The following FLYWCH1 variants were observed in gnomAD, a reference collection of about 807,000 sequenced individuals.
FLYWCH1 encodes the protein FLYWCH-type zinc finger-containing protein 1.
Under a neutral mutation model 66.4 loss-of-function variants are expected in FLYWCH1, and 75 were observed. The observed-to-expected ratio is 1.13, with a 90% confidence interval of 0.94 to 1.37. The LOEUF is 1.37. Ranked by LOEUF, FLYWCH1 falls within the 40% of genes most tolerant of loss-of-function variation. The pLI is 0.00. For missense variants in FLYWCH1, 1,334 were observed against 1,001.8 expected (o/e 1.33, Z -4.48); for synonymous variants, 595 against 429.9 (o/e 1.38, Z -4.75).
intron 2 of FLYWCH1, among the ~76,000 whole-genome samples, chr16:2,925,508 G>C (rs966485868): frequency 6.6e-5 from 10 of 151,314 alleles, no homozygotes; most frequent in African/African-American, 2.4e-4. Context: ...GGGAGCGGGA[G>C]GGGCGGGCTG....
At chr16:2,941,653 G>A (rs2071267038) in intron 9 of FLYWCH1, among the ~76,000 whole-genome samples, 1 of 151,880 alleles carries the variant, frequency 6.6e-6, no homozygotes, top group Non-Finnish European at 1.5e-5. Flanking sequence ...AGGGTGGGAG[G>A]ATCGCTTGAG....
At position 2,933,281 on chromosome 16, in the gene FLYWCH1, C is replaced by T. The variant is rs1394553182; in HGVS notation, c.948C>T (p.Ala316=). 2.5e-6 allele frequency: 4 copies of T among 1,612,700 alleles called. No homozygotes were observed. Among genetic ancestry groups the T allele is most frequent in the African/African-American group, 1.3e-5 (1 of 74,868 alleles). The change falls in exon 5 of 10, where the codon GCC becomes GCT. Residue 316 remains alanine, a synonymous_variant. Coordinates refer to ENST00000253928, the MANE Select transcript of FLYWCH1 (RefSeq NM_001308068.2). ...CGCTGCACGGCTGCCGGAGCCGGGCCATCACCCAGGGACAGCGGGTGACTG... is the reference window on the plus strand; with the variant it reads ...CGCTGCACGGCTGCCGGAGCCGGGCTATCACCCAGGGACAGCGGGTGACTG... ...DHALHGCRSR[A]ITQGQRVTVM... is the part of the protein sequence containing the mutation.
chr16:2,934,399 C>T (rs1480337702), intron 6 of FLYWCH1, among the ~76,000 whole-genome samples: 2 of 152,232 alleles, frequency 1.3e-5, no homozygotes, highest in Non-Finnish European at 2.9e-5. Context: ...GGTTTCTCCT[C>T]TCGGCCCGCT....
At chr16:2,942,720 CTTTT>C (rs34247000) in intron 9 of FLYWCH1, among the ~76,000 whole-genome samples, 12 of 82,790 alleles carry the variant, frequency 1.4e-4, no homozygotes, top group Admixed American at 3.3e-4. Context: ...CATCTGGGAA[CTTTT>C]TTTTTTTTTT....
rs201307652 is a variant in FLYWCH1 at position 2,937,368 on chromosome 16, G to C, written c.1761G>C (p.Ala587=). The change falls in exon 7 of 10, where the codon GCG becomes GCC. Residue 587 remains alanine (A), a synonymous_variant. Transcript: ENST00000253928. ...AGCGGGAGCACTTCCCCAACCTGGCGCAGTGGGACAGCCCAGGTGCGTGTG... is the reference window on the plus strand; with the variant it reads ...AGCGGGAGCACTTCCCCAACCTGGCCCAGTGGGACAGCCCAGGTGCGTGTG... ...LRQREHFPNL[A]QWDSPDPLRP... 1.3e-6 allele frequency: 2 copies of C among 1,576,934 alleles called. No homozygotes were observed. Among genetic ancestry groups the C allele is most frequent in the African/African-American group, 1.3e-5 (1 of 74,274 alleles).
At position 2,933,962 on chromosome 16, in the gene FLYWCH1, C is replaced by A. The variant is rs201896481; in HGVS notation, c.1496C>A (p.Ala499Glu). ...CAGCGGGAGAAACGCCCCAACACGG[C>A]GCAGCGGGGGAGCCCAGGTACCTGG... ...LRQREKRPNT[A>E]QRGSPGGPEF... Residue 499 changes from alanine to glutamate, a missense_variant, in exon 6 of 10, where the codon GCG becomes GAG. By Grantham distance (107) the Ala-to-Glu change is moderately radical. Transcript: ENST00000253928. The A allele has an allele frequency of 1.3e-6, 2 of 1,545,530 alleles. No homozygotes were observed. Among genetic ancestry groups the A allele is most frequent in the Non-Finnish European group, 8.7e-7 (1 of 1,144,384 alleles).
At chr16:2,915,045 A>G (rs1444882092) in intron 2 of FLYWCH1, 1 of 151,678 alleles carries the variant, frequency 6.6e-6, no homozygotes, top group African/African-American at 2.4e-5. Context: ...CTAGAGTAAC[A>G]AAAGTTTCTA....
At chr16:2,943,477 G>C (rs1245617522) in intron 9 of FLYWCH1, 1 of 151,512 alleles carries the variant, frequency 6.6e-6, no homozygotes, top group Non-Finnish European at 1.5e-5. Flanking sequence ...AGTGTGTGAT[G>C]GGGATGCCTG....
At position 2,940,114 on chromosome 16, in the gene FLYWCH1, T is replaced by A. The variant is rs535599085; in HGVS notation, c.2111+22T>A. 2.4e-4 allele frequency: 256 copies of A among 1,081,402 alleles called. 4 individuals carry two copies. The South Asian group carries it at 3.1e-3, about 13-fold the overall frequency. 67.0% of individuals were successfully genotyped at this position (1,081,402 alleles called of 1,614,324 possible). On this transcript the variant is annotated intron_variant, in intron 9 of 9. Transcript: ENST00000253928. ...ATGGGTAATTGTATTTGTTATCTAA[T>A]GGTGCATGACCAATTACAACAAAAC...
intron 2 of FLYWCH1, among the ~76,000 whole-genome samples, chr16:2,916,836 GC>G: frequency 6.6e-6 from 1 of 151,648 alleles, no homozygotes; most frequent in Admixed American, 6.6e-5. Flanking sequence ...TTGTTAAATT[GC>G]TAATACTTTC....
chr16:2,922,781 G>A (rs2070420138), intron 2 of FLYWCH1: 1 of 521,086 alleles, frequency 1.9e-6, no homozygotes, highest in African/African-American at 1.9e-5. Flanking sequence ...CCACCTCACA[G>A]AGTTCTTCAC....
chr16:2,935,547 C>T (rs913873372), intron 6 of FLYWCH1: 3 of 152,152 alleles, frequency 2.0e-5, no homozygotes, highest in African/African-American at 7.2e-5. Context: ...AGAAGTCCTG[C>T]CTCCCGTCGT....
At chr16:2,934,758 C>G (rs1175660386) in intron 6 of FLYWCH1, 1 of 435,566 alleles carries the variant, frequency 2.3e-6, no homozygotes, top group South Asian at 1.6e-5. Context: ...GACAGTGCTG[C>G]GAGGTCCCCG....
intron 2 of FLYWCH1, chr16:2,928,859 A>G (rs999437595): frequency 3.9e-5 from 6 of 152,206 alleles, no homozygotes; most frequent in Admixed American, 6.6e-5. Context: ...TTCTCCAGAC[A>G]CCACCACAGC....
In FLYWCH1 at chr16:2,933,486, A is replaced by C. The variant is rs1321648977; in HGVS notation, c.1153A>C (p.Arg385=). The change falls in exon 5 of 10, where the codon AGG becomes CGG. Residue 385 remains arginine (R), a synonymous_variant. Coordinates refer to ENST00000253928, the MANE Select transcript of FLYWCH1 (RefSeq NM_001308068.2). ...RRGPGPLTLT[R]PRPRKRAKVE... ...GGGTCCGGGTCCCCTGACTCTCACC[A>C]GGCCTCGGCCCAGAAAGCGAGCAAA... The C allele has an allele frequency of 7.5e-6, 12 of 1,606,954 alleles. No homozygotes were observed. Among genetic ancestry groups the C allele is most frequent in the Non-Finnish European group, 1.0e-5 (12 of 1,177,236 alleles).
chr16:2,924,539 C>T (rs1406237153), intron 2 of FLYWCH1, among the ~76,000 whole-genome samples: 1 of 152,180 alleles, frequency 6.6e-6, no homozygotes, highest in African/African-American at 2.4e-5. Flanking sequence ...GGTGGTTTCC[C>T]TGAATGTGGC....
intron 4 of FLYWCH1, among the ~76,000 whole-genome samples, chr16:2,932,465 C>T (rs2070800600): frequency 2.0e-5 from 3 of 151,936 alleles, no homozygotes; most frequent in Admixed American, 1.3e-4. Context: ...ACATTTGGGG[C>T]TTGGCAAGTG....
At chr16:2,936,681 G>A (rs184074758) in intron 6 of FLYWCH1, 49 of 462,412 alleles carry the variant, frequency 1.1e-4, no homozygotes, top group African/African-American at 9.7e-4. Flanking sequence ...AGAGTCCTGG[G>A]GTCACACCTC....
At chr16:2,948,666 A>C (rs1239887915) in intron 9 of FLYWCH1, 22 bp from the exon 10 acceptor site, 2 of 1,612,500 alleles carry the variant, frequency 1.2e-6, no homozygotes, top group Non-Finnish European at 1.7e-6. Context: ...TGTGCAATGA[A>C]CATGTGTCTC....
Sources: gnomAD v4.1 joint callset for allele counts (sites outside exome capture counted in the v4.1 genomes callset) on GRCh38, gnomAD v4.1.1 for gene constraint, MANE v1.5 for transcripts, NCBI Gene and HGNC (gene_info 2026-07-23, HGNC 2026-07-21) for gene names.